Variants in RFT1 observed in about 807,000 individuals in gnomAD.
RFT1 encodes the protein RFT1 glycolipid translocator homolog, also known as man(5)GlcNAc(2)-PP-dolichol translocation protein RFT1.
Under a neutral mutation model 62.2 loss-of-function variants are expected in RFT1, and 43 were observed. The ratio of observed to expected loss-of-function variants is 0.69; its 90% CI spans 0.54 to 0.89. The LOEUF (loss-of-function observed/expected upper bound fraction) is 0.89, where lower values mean the gene tolerates loss of function less well. Among genes scored for constraint, RFT1 ranks in the 40% least tolerant of loss-of-function variants. The probability of loss-of-function intolerance (pLI) is 0.00; values close to 1 mark genes in which losing one functional copy is unlikely to be tolerated. For synonymous variants in RFT1, 262 were observed against 264.6 expected (o/e 0.99, Z 0.10); for missense variants, 605 against 649.9 (o/e 0.93, Z 0.75).
At chr3:53,081,144 A>G in the RFT1 span, among the ~76,000 whole-genome samples, 1 of 152,062 alleles carries the variant, frequency 6.6e-6, no homozygotes, top group African/African-American at 2.4e-5. Context: ...TGAGGACATC[A>G]TAAGAACCAG....
chr3:53,120,062 A>G, intron 5 of RFT1, 41 bp from the exon 6 acceptor site: 1 of 1,535,948 alleles, frequency 6.5e-7, no homozygotes. Context: ...GGCATAATTA[A>G]GATATGCCTA....
chr3:53,107,306 T>G (rs1238774127), intron 7 of RFT1, among the ~76,000 whole-genome samples: 1 of 151,970 alleles, frequency 6.6e-6, no homozygotes, highest in Non-Finnish European at 1.5e-5. Context: ...CGGCTAATTT[T>G]TTTTGTATTT....
At chr3:53,105,610 T>C in intron 9 of RFT1, 63 bp downstream of exon 9, 1 of 1,564,454 alleles carries the variant, frequency 6.4e-7, no homozygotes, top group Non-Finnish European at 8.8e-7. Flanking sequence ...TGCTTCACAC[T>C]CCTGTCTGTC....
chr3:53,086,670 G>C (rs1381190985), downstream of RFT1, among the ~76,000 whole-genome samples: 1 of 152,070 alleles, frequency 6.6e-6, no homozygotes, highest in Admixed American at 6.5e-5. Context: ...AATTTCTAGG[G>C]GACCCCTGAT....
chr3:53,080,506 TAA>T, the RFT1 span, among the ~76,000 whole-genome samples: 1 of 152,208 alleles, frequency 6.6e-6, no homozygotes, highest in Admixed American at 6.5e-5. Flanking sequence ...ATTGGAATTT[TAA>T]AAGATGCTCC....
intron 1 of RFT1, among the ~76,000 whole-genome samples, chr3:53,127,050 C>T (rs1049117679): frequency 2.0e-5 from 3 of 152,228 alleles, no homozygotes; most frequent in Admixed American, 6.5e-5. Flanking sequence ...GCCAAGAAAT[C>T]ACCATCTTAA....
At chr3:53,083,356 T>TAA in the RFT1 span, among the ~76,000 whole-genome samples, 17 of 138,062 alleles carry the variant, frequency 1.2e-4, no homozygotes, top group African/African-American at 4.5e-4. Context: ...TACTAAAAAT[T>TAA]AAAAAAAAAA....
rs938866151 is a variant in RFT1 at position 53,105,694 on chromosome 3, C to T, written c.936G>A (p.Lys312=). ...TTACCTGCTTCTGAAGTGTGGCATCCTTTCCCCTCTCCAGCACCTTAGCAA... is the reference window on the plus strand; with the variant it reads ...TTACCTGCTTCTGAAGTGTGGCATCTTTTCCCCTCTCCAGCACCTTAGCAA... The part of the protein sequence containing the change: ...IFFAKVLERG[K]DATLQKQEDV... The change falls in exon 9 of 13, where the codon AAG becomes AAA. Residue 312 remains lysine (K), a synonymous_variant. Transcript: ENST00000296292. The T allele has an allele frequency of 1.2e-6, 2 of 1,613,800 alleles. No individual in the cohort carries two copies. The highest frequency in any genetic ancestry group is 1.7e-6 in the Non-Finnish European group (2 of 1,179,820).
Position 53,103,982 on chromosome 3 carries a change from T to C in RFT1, c.1073A>G (p.Tyr358Cys). ...FAYSQLALDI[Y>C]GGTMLSSGSG... is the part of the protein sequence containing the mutation. ...TCCTGAGCTAAGCATGGTCCCTCCG[T>C]AGATATCCAGAGCCAGCTGAGAATA... Residue 358 changes from tyrosine to cysteine, a missense_variant, in exon 10 of 13, where the codon TAC (tyrosine) becomes TGC (cysteine). Tyr to Cys is a radical substitution (Grantham distance 194). Transcript: ENST00000296292. 5 of 1,614,202 alleles carry C rather than the reference T, an allele frequency of 3.1e-6. No individual in the cohort carries two copies. The South Asian group carries it at 3.3e-5, about 11-fold the overall frequency.
At chr3:53,126,760 CAAG>C (rs1321442450) in intron 1 of RFT1, among the ~76,000 whole-genome samples, 1 of 152,134 alleles carries the variant, frequency 6.6e-6, no homozygotes, top group African/African-American at 2.4e-5. Context: ...ACACAGAGAA[CAAG>C]AAGACTGTAA....
chr3:53,107,137 T>TG (rs1491111120), intron 7 of RFT1, among the ~76,000 whole-genome samples: 3 of 1,448 alleles, frequency 2.1e-3, no homozygotes, highest in Non-Finnish European at 0.022. Flanking sequence ...TCTAAAAAGG[T>TG]TTTTTTTTTT....
intron 7 of RFT1, 52 bp from the exon 8 acceptor site, chr3:53,106,921 T>C: frequency 7.3e-7 from 1 of 1,373,890 alleles, no homozygotes. Flanking sequence ...CATTACTTTA[T>C]TGTTTCCTTT....
intron 6 of RFT1, among the ~76,000 whole-genome samples, chr3:53,116,484 G>T (rs964058560): frequency 6.6e-6 from 1 of 150,902 alleles, no homozygotes; most frequent in South Asian, 2.1e-4. Flanking sequence ...TGTAAAGACG[G>T]GTTCTTACCA....
chr3:53,107,177 C>T lies in RFT1; in HGVS notation c.776-308G>A, dbSNP rs554090448. On this transcript the variant is annotated intron_variant, in intron 7 of 12. Coordinates refer to ENST00000296292, the MANE Select transcript of RFT1 (RefSeq NM_052859.4). The stretch of plus-strand genomic sequence containing the variant: ...TTGAGACGGAGTCTCGCTCTGTCAC[C>T]CAGGCTGGAGTACAGTGGCACGATT... 3.4e-3 allele frequency among the ~76,000 whole-genome samples: 508 copies of T among 150,334 alleles called. 5 individuals are homozygous for T. Among genetic ancestry groups the T allele is most frequent in the African/African-American group, 0.012 (486 of 40,904 alleles).
downstream of RFT1, among the ~76,000 whole-genome samples, chr3:53,085,090 C>T (rs1449096726): frequency 1.5e-5 from 2 of 135,192 alleles, no homozygotes; most frequent in East Asian, 2.3e-4. Context: ...GGGCTGGGGG[C>T]GGGAAGTAAA....
At chr3:53,068,347 C>A in the RFT1 span, among the ~76,000 whole-genome samples, 1 of 152,162 alleles carries the variant, frequency 6.6e-6, no homozygotes, top group African/African-American at 2.4e-5. Flanking sequence ...CACATACACT[C>A]ACTGGGCACA....
chr3:53,120,039 C>G lies in RFT1; in HGVS notation c.559-18G>C. 6.3e-7 allele frequency: 1 copy of G among 1,585,534 alleles called. No homozygotes were observed. Among genetic ancestry groups the G allele is most frequent in the Non-Finnish European group, 8.6e-7 (1 of 1,169,182 alleles). Reference sequence around the variant, plus strand: ...TAGAAAAGCTGAGAAAAAAAATAAACTGTTTTAATAAAGGCATAATTAAGA... The same window carrying G: ...TAGAAAAGCTGAGAAAAAAAATAAAGTGTTTTAATAAAGGCATAATTAAGA... On this transcript the variant is annotated intron_variant, in intron 5 of 12. Coordinates refer to ENST00000296292, the MANE Select transcript of RFT1 (RefSeq NM_052859.4).
chr3:53,120,006 C>T lies in RFT1; in HGVS notation c.574G>A (p.Val192Ile), dbSNP rs558991817. ...TAAATAACATAGCAGAGCACCAGAA[C>T]TGTGGTATAGAAAAGCTGAGAAAAA... ...FSLAQLFYTT[V>I]LVLCYVIYFT... The change falls in exon 6 of 13, where the codon GTT becomes ATT. Residue 192 changes from valine (V) to isoleucine (I), a missense_variant. Physicochemically the swap from Val to Ile is conservative, Grantham distance 29. Coordinates refer to ENST00000296292, the MANE Select transcript of RFT1 (RefSeq NM_052859.4). The T allele has an allele frequency of 1.9e-6, 3 of 1,600,120 alleles. No individual in the cohort carries two copies. The highest frequency in any genetic ancestry group is 2.3e-5 in the South Asian group (2 of 88,370).
At chr3:53,115,723 T>A (rs138803532) in intron 6 of RFT1, among the ~76,000 whole-genome samples, 1 of 152,250 alleles carries the variant, frequency 6.6e-6, no homozygotes, top group East Asian at 1.9e-4. Flanking sequence ...TGCCCACCCA[T>A]GTGTCAAAGT....
Sources: allele counts gnomAD v4.1 joint callset (sites outside exome capture counted in the v4.1 genomes callset), GRCh38; gene constraint gnomAD v4.1.1; transcripts MANE v1.5; gene names NCBI Gene and HGNC (gene_info 2026-07-23, HGNC 2026-07-21).